The following AFG1L variants were observed in gnomAD, a reference collection of about 807,000 sequenced individuals.
The protein encoded by AFG1L is AFG1-like ATPase.
AFG1L carries 53 observed loss-of-function variants against 62.2 expected under a neutral mutation model. That is an observed-to-expected ratio of 0.85 (90% confidence interval 0.68 to 1.07). The LOEUF is 1.07. Among genes scored for constraint, AFG1L ranks in the 50% least tolerant of loss-of-function variants. AFG1L has a pLI of 0.00. For synonymous variants in AFG1L, 228 were observed against 210.3 expected, an observed-to-expected ratio of 1.08 and a Z score of -0.73; for missense variants, 555 against 590.5, an observed-to-expected ratio of 0.94 and a Z score of 0.62.
intron 1 of AFG1L, among the ~76,000 whole-genome samples, chr6:108,301,236 T>C (rs1776987222): frequency 1.3e-5 from 2 of 152,156 alleles, no homozygotes; most frequent in Non-Finnish European, 2.9e-5. Context: ...TTATGACTTG[T>C]ATCTTGTGCC....
At chr6:108,420,089 A>C (rs1001093607) in intron 7 of AFG1L, among the ~76,000 whole-genome samples, 4 of 152,186 alleles carry the variant, frequency 2.6e-5, no homozygotes, top group African/African-American at 9.7e-5. Flanking sequence ...TCAGCCTTTG[A>C]GGTCAGTGTC....
At chr6:108,453,632 C>T (rs558551869) in intron 8 of AFG1L, among the ~76,000 whole-genome samples, 47 of 152,336 alleles carry the variant, frequency 3.1e-4, no homozygotes, top group African/African-American at 9.6e-4. Flanking sequence ...TACTTACAAA[C>T]ACTCCTCTGC....
intron 6 of AFG1L, among the ~76,000 whole-genome samples, chr6:108,382,270 G>C (rs1425958025): frequency 6.6e-6 from 1 of 152,082 alleles, no homozygotes. Flanking sequence ...AAAGTGCTGG[G>C]ATTACAGGTG....
intron 6 of AFG1L, among the ~76,000 whole-genome samples, chr6:108,383,374 C>T (rs915073744): frequency 6.6e-6 from 1 of 151,970 alleles, no homozygotes; most frequent in African/African-American, 2.4e-5. Context: ...ATAGACTCTG[C>T]AATACAGATG....
At chr6:108,308,492 C>T (rs1777288595) in intron 1 of AFG1L, among the ~76,000 whole-genome samples, 1 of 151,962 alleles carries the variant, frequency 6.6e-6, no homozygotes, top group South Asian at 2.1e-4. Context: ...TGAACAGAAG[C>T]TCCAAATTTT....
intron 6 of AFG1L, among the ~76,000 whole-genome samples, chr6:108,371,958 A>T (rs948355102): frequency 6.6e-6 from 1 of 151,802 alleles, no homozygotes; most frequent in African/African-American, 2.4e-5. Flanking sequence ...GGGTCTCATT[A>T]TGTTGCCCAG....
At chr6:108,453,194 A>G (rs891381334) in intron 8 of AFG1L, among the ~76,000 whole-genome samples, 4 of 152,224 alleles carry the variant, frequency 2.6e-5, no homozygotes, top group African/African-American at 9.6e-5. Context: ...AATTGTCTCA[A>G]GACCATTTCA....
chr6:108,335,028 C>G (rs935131060), intron 2 of AFG1L, among the ~76,000 whole-genome samples: 1 of 151,394 alleles, frequency 6.6e-6, no homozygotes, highest in Non-Finnish European at 1.5e-5. Flanking sequence ...GAGTCTCACT[C>G]TGTCACCCAG....
intron 10 of AFG1L, among the ~76,000 whole-genome samples, chr6:108,492,534 G>A (rs1391914150): frequency 1.3e-5 from 2 of 152,186 alleles, no homozygotes; most frequent in African/African-American, 4.8e-5. Flanking sequence ...ATTATGTTCT[G>A]TAGTCTGGAC....
At chr6:108,426,619 G>A (rs1412608992) in intron 7 of AFG1L, among the ~76,000 whole-genome samples, 1 of 152,116 alleles carries the variant, frequency 6.6e-6, no homozygotes, top group Non-Finnish European at 1.5e-5. Flanking sequence ...GACAGAGTTG[G>A]AAATGTATAA....
intron 1 of AFG1L, 127 bp downstream of exon 1, chr6:108,295,345 G>A: frequency 1.2e-5 from 13 of 1,083,652 alleles, no homozygotes; most frequent in Non-Finnish European, 1.7e-5. Context: ...CTCCTCGAGA[G>A]GAGTTTCCAT....
At chr6:108,514,663 T>A (rs1294747103) in intron 11 of AFG1L, among the ~76,000 whole-genome samples, 3 of 152,308 alleles carry the variant, frequency 2.0e-5, no homozygotes, top group Non-Finnish European at 4.4e-5. Context: ...ACCTTAAATG[T>A]AAATGGGCTA....
chr6:108,396,584 G>A (rs928045476), intron 6 of AFG1L, among the ~76,000 whole-genome samples: 1 of 151,662 alleles, frequency 6.6e-6, no homozygotes, highest in Non-Finnish European at 1.5e-5. Flanking sequence ...TCCACCTCCC[G>A]GGTTCAAGCT....
intron 6 of AFG1L, among the ~76,000 whole-genome samples, chr6:108,367,024 C>G (rs564348923): frequency 4.6e-5 from 7 of 152,290 alleles, no homozygotes; most frequent in African/African-American, 1.7e-4. Context: ...GAAGCCTAGA[C>G]TTGTCTCCCT....
At chr6:108,418,163 A>G (rs1319124431) in intron 7 of AFG1L, among the ~76,000 whole-genome samples, 1 of 152,146 alleles carries the variant, frequency 6.6e-6, no homozygotes, top group East Asian at 1.9e-4. Flanking sequence ...AAAGGCATTC[A>G]TTTTACCCTC....
intron 7 of AFG1L, among the ~76,000 whole-genome samples, chr6:108,445,328 C>A (rs1261965766): frequency 1.3e-5 from 2 of 152,148 alleles, no homozygotes; most frequent in Non-Finnish European, 2.9e-5. Context: ...TTCTCCATAT[C>A]AATAATAAGG....
At chr6:108,431,728 G>A (rs906673838) in intron 7 of AFG1L, among the ~76,000 whole-genome samples, 5 of 150,340 alleles carry the variant, frequency 3.3e-5, no homozygotes, top group South Asian at 2.1e-4. Flanking sequence ...GATTATAGGC[G>A]CCTGCCACCA....
chr6:108,403,500 T>C (rs1353221119), intron 7 of AFG1L, among the ~76,000 whole-genome samples: 1 of 152,126 alleles, frequency 6.6e-6, no homozygotes, highest in Admixed American at 6.5e-5. Context: ...CTCAGAGATA[T>C]TTATAGATGT....
chr6:108,379,295 C>G (rs1411836008), intron 6 of AFG1L, among the ~76,000 whole-genome samples: 1 of 152,170 alleles, frequency 6.6e-6, no homozygotes, highest in Non-Finnish European at 1.5e-5. Flanking sequence ...CAGGCATGAG[C>G]CACCGCGCCC....
Sources: gnomAD v4.1 joint callset for allele counts (sites outside exome capture counted in the v4.1 genomes callset) on GRCh38, gnomAD v4.1.1 for gene constraint, MANE v1.5 for transcripts, NCBI Gene and HGNC (gene_info 2026-07-23, HGNC 2026-07-21) for gene names.